Variants in DNAH7 observed in about 807,000 individuals in gnomAD.
DNAH7 encodes the protein axonemal beta dynein heavy chain 7.
DNAH7 carries 397 observed loss-of-function variants against 444.6 expected under a neutral mutation model. The ratio of observed to expected loss-of-function variants is 0.89; its 90% CI spans 0.82 to 0.97. The LOEUF is 0.97. Ranked by LOEUF, DNAH7 falls within the 50% of genes least tolerant of loss-of-function variation. DNAH7 has a pLI of 0.00. For missense variants in DNAH7, 4,902 were observed against 4,800.8 expected (o/e 1.02, Z -0.62); for synonymous variants, 1,636 against 1,624.4 (o/e 1.01, Z -0.17).
At chr2:196,017,063 C>T (rs1695071856) in intron 9 of DNAH7, among the ~76,000 whole-genome samples, 2 of 152,102 alleles carry the variant, frequency 1.3e-5, no homozygotes, top group East Asian at 3.9e-4. Flanking sequence ...CTGGAGTGCA[C>T]TGGCATGATC....
At chr2:195,923,132 A>T (rs1251988983) in intron 23 of DNAH7, among the ~76,000 whole-genome samples, 1 of 152,064 alleles carries the variant, frequency 6.6e-6, no homozygotes, top group East Asian at 1.9e-4. Flanking sequence ...CCAAAGTGCC[A>T]GGATTACAGG....
At chr2:196,015,864 C>G (rs1018504949) in intron 9 of DNAH7, among the ~76,000 whole-genome samples, 1 of 152,150 alleles carries the variant, frequency 6.6e-6, no homozygotes, top group Admixed American at 6.5e-5. Flanking sequence ...ACTGTCCCCC[C>G]ACTCTTAATA....
At chr2:195,955,121 T>C (rs1690556649) in intron 19 of DNAH7, among the ~76,000 whole-genome samples, 1 of 152,218 alleles carries the variant, frequency 6.6e-6, no homozygotes, top group Admixed American at 6.5e-5. Flanking sequence ...TTGAATGGTA[T>C]TGCCTAGGTT....
At chr2:195,918,282 A>G (rs537044480) in intron 24 of DNAH7, among the ~76,000 whole-genome samples, 3 of 152,348 alleles carry the variant, frequency 2.0e-5, no homozygotes, top group South Asian at 2.1e-4. Context: ...AGCATTGACA[A>G]CACCAGATAG....
intron 36 of DNAH7, among the ~76,000 whole-genome samples, chr2:195,881,202 A>C (rs1473079676): frequency 6.6e-6 from 1 of 152,204 alleles, no homozygotes; most frequent in Non-Finnish European, 1.5e-5. Flanking sequence ...GAAAGACTGT[A>C]AGATGTAATG....
intron 14 of DNAH7, among the ~76,000 whole-genome samples, chr2:195,986,615 G>A (rs906577615): frequency 6.6e-6 from 1 of 152,084 alleles, no homozygotes; most frequent in African/African-American, 2.4e-5. Context: ...AAATCCCTAG[G>A]TTAGTCACAA....
At chr2:196,050,872 G>A (rs935011347) in intron 3 of DNAH7, among the ~76,000 whole-genome samples, 4 of 152,292 alleles carry the variant, frequency 2.6e-5, no homozygotes, top group Admixed American at 2.6e-4. Context: ...ACTCCCCAAA[G>A]GGCACAGAGC....
At position 196,055,364 on chromosome 2, in the gene DNAH7, G is replaced by A. The variant is rs576105368; in HGVS notation, c.78+2690C>T. ...TTGTCTCAAAAAAAAATTACAAAAT[G>A]GTTAACCATGCCCTAAAAAATGGAT... On this transcript the variant is annotated intron_variant, in intron 2 of 64. Transcript: ENST00000312428. Among the ~76,000 whole-genome samples the A allele has an allele frequency of 7.8e-4, 118 of 152,008 alleles. 7 individuals are homozygous for A. The highest frequency in any genetic ancestry group is 4.6e-4 in the Admixed American group (7 of 15,262).
chr2:195,991,382 T>C (rs557663782), intron 12 of DNAH7, among the ~76,000 whole-genome samples: 25 of 152,324 alleles, frequency 1.6e-4, no homozygotes, highest in African/African-American at 5.8e-4. Flanking sequence ...GAATTCTTAC[T>C]TTCTTTTTCC....
intron 17 of DNAH7, among the ~76,000 whole-genome samples, chr2:195,965,315 T>C (rs573662268): frequency 6.6e-6 from 1 of 152,320 alleles, no homozygotes; most frequent in South Asian, 2.1e-4. Context: ...CCAGGATAAA[T>C]TACACTTGAT....
chr2:195,891,570 G>T (rs1481556953), intron 31 of DNAH7, 85 bp downstream of exon 31: 1 of 1,216,588 alleles, frequency 8.2e-7, no homozygotes, highest in Non-Finnish European at 1.1e-6. Context: ...GATACAATTA[G>T]TTTGTTTGAA....
chr2:195,864,388 T>C lies in DNAH7; in HGVS notation c.7267A>G (p.Asn2423Asp), dbSNP rs1419568142. 1.9e-6 allele frequency: 3 copies of C among 1,614,074 alleles called. No homozygotes were observed. Among genetic ancestry groups the C allele is most frequent in the African/African-American group, 2.7e-5 (2 of 74,928 alleles). The part of the protein sequence containing the change: ...SNLLNAGEIP[N>D]LFALDEKQEI... The stretch of plus-strand genomic sequence containing the variant: ...TGCTTCTCATCTAATGCAAAGAGAT[T>C]TGGAATCTCCCCAGCATTTAGCAGA... Residue 2423 changes from asparagine (N) to aspartate (D), a missense_variant, in exon 41 of 65, where the codon AAT (asparagine) becomes GAT (aspartate). Asn to Asp is a conservative substitution (Grantham distance 23). Transcript: ENST00000312428.
intron 17 of DNAH7, among the ~76,000 whole-genome samples, chr2:195,967,547 A>C (rs1285752233): frequency 1.3e-5 from 2 of 152,204 alleles, no homozygotes; most frequent in South Asian, 2.1e-4. Context: ...GTGTTGATGA[A>C]ATCTCTCAGC....
chr2:195,940,137 A>G (rs1689324149), intron 19 of DNAH7, among the ~76,000 whole-genome samples: 1 of 152,248 alleles, frequency 6.6e-6, no homozygotes, highest in Admixed American at 6.5e-5. Context: ...ACAAGGCTAC[A>G]GTAACCAAAA....
At chr2:195,946,504 T>C (rs1439798168) in intron 19 of DNAH7, among the ~76,000 whole-genome samples, 2 of 152,086 alleles carry the variant, frequency 1.3e-5, no homozygotes, top group African/African-American at 4.8e-5. Context: ...GCTCATTACA[T>C]ACCCACAACT....
chr2:195,957,566 CA>C, intron 18 of DNAH7, 119 bp from the exon 19 acceptor site: 6 of 500,832 alleles, frequency 1.2e-5, no homozygotes, highest in African/African-American at 9.5e-5. Context: ...AATTGTTATA[CA>C]TTATATACAA....
At chr2:196,005,137 G>A (rs1694286243) in intron 10 of DNAH7, among the ~76,000 whole-genome samples, 1 of 151,774 alleles carries the variant, frequency 6.6e-6, no homozygotes, top group South Asian at 2.1e-4. Flanking sequence ...AGCCGGGTGT[G>A]GTGGTGGGCA....
chr2:196,025,402 ACT>A (rs1695620970), intron 7 of DNAH7, among the ~76,000 whole-genome samples: 1 of 151,660 alleles, frequency 6.6e-6, no homozygotes, highest in Non-Finnish European at 1.5e-5. Flanking sequence ...TCTTTCAGAG[ACT>A]CTCCTTTACC....
At chr2:195,982,549 A>C (rs892277920) in intron 15 of DNAH7, among the ~76,000 whole-genome samples, 5 of 152,228 alleles carry the variant, frequency 3.3e-5, no homozygotes, top group African/African-American at 1.2e-4. Context: ...TTGCAGCACT[A>C]TTCACAATAC....
Sources: gnomAD v4.1 joint callset for allele counts (sites outside exome capture counted in the v4.1 genomes callset) on GRCh38, gnomAD v4.1.1 for gene constraint, MANE v1.5 for transcripts, NCBI Gene and HGNC (gene_info 2026-07-23, HGNC 2026-07-21) for gene names.